Variants in MRTFA observed in about 807,000 individuals in gnomAD.
MRTFA encodes the protein myocardin related transcription factor A.
A neutral mutation model predicts 83.5 loss-of-function variants in MRTFA; 20 were observed. That is an observed-to-expected ratio of 0.24 (90% confidence interval 0.17 to 0.35). The LOEUF (loss-of-function observed/expected upper bound fraction) is 0.35, where lower values mean the gene tolerates loss of function less well. Ranked by LOEUF, MRTFA falls within the 10% of genes least tolerant of loss-of-function variation. MRTFA has a pLI of 1.00. For synonymous variants in MRTFA, 659 were observed against 541.2 expected (o/e 1.22, Z -3.02); for missense variants, 1,200 against 1,224.7 (o/e 0.98, Z 0.30).
intron 3 of MRTFA, among the ~76,000 whole-genome samples, chr22:40,542,259 C>G (rs899206157): frequency 6.6e-6 from 1 of 152,142 alleles, no homozygotes; most frequent in African/African-American, 2.4e-5. Context: ...TTTGTCAAAC[C>G]ACTACTTATG....
At position 40,496,540 on chromosome 22, in the gene MRTFA, A is replaced by C. The variant is rs375306364; in HGVS notation, c.242-33254T>G. ...AGAAAGGGCACCAGGCTGAGTCAGG[A>C]GTCCTGGTTTCCAGCAAGATCCATA... is the stretch of plus-strand genomic sequence containing the variant. On this transcript the variant is annotated intron_variant, in intron 3 of 14. Transcript: ENST00000355630. 6.7e-5 allele frequency among the ~76,000 whole-genome samples: 10 copies of C among 149,064 alleles called. No homozygotes were observed. In the East Asian group the frequency reaches 1.0e-3, roughly 15 times the overall value.
intron 3 of MRTFA, chr22:40,463,544 T>C (rs2053754286): frequency 7.9e-6 from 3 of 381,316 alleles, no homozygotes; most frequent in Non-Finnish European, 4.8e-6. Flanking sequence ...GAGTCTTGCC[T>C]TTTGCTCAAA....
chr22:40,430,831 A>T (rs950399603), intron 6 of MRTFA, among the ~76,000 whole-genome samples: 2 of 144,220 alleles, frequency 1.4e-5, no homozygotes, highest in African/African-American at 5.1e-5. Flanking sequence ...ACTGCACTCC[A>T]GCCTGAGCAG....
At chr22:40,624,374 C>T (rs1371169937) in intron 1 of MRTFA, among the ~76,000 whole-genome samples, 1 of 145,088 alleles carries the variant, frequency 6.9e-6, no homozygotes, top group Non-Finnish European at 1.5e-5. Context: ...TGCAGGGAGC[C>T]GAGATCGCGC....
intron 3 of MRTFA, among the ~76,000 whole-genome samples, chr22:40,506,768 T>C (rs2054586970): frequency 6.6e-6 from 1 of 152,220 alleles, no homozygotes; most frequent in African/African-American, 2.4e-5. Flanking sequence ...CCCCCATTTA[T>C]CACCATTTTC....
chr22:40,429,093 T>C (rs971658166), intron 7 of MRTFA, among the ~76,000 whole-genome samples: 3 of 152,198 alleles, frequency 2.0e-5, no homozygotes, highest in African/African-American at 7.2e-5. Context: ...TACCTGCTCC[T>C]AGGCGTGAGC....
At chr22:40,511,355 A>T (rs969691165) in intron 3 of MRTFA, among the ~76,000 whole-genome samples, 1 of 152,236 alleles carries the variant, frequency 6.6e-6, no homozygotes, top group Admixed American at 6.5e-5. Context: ...GCAGGTTGGG[A>T]GTAGTCACTG....
At position 40,474,813 on chromosome 22, in the gene MRTFA, A is replaced by G. The variant is rs562685345; in HGVS notation, c.242-11527T>C. ...TCTTAACTGATTTGATTGTTCCCAT[A>G]ATTCAATTCATGTATTCAAATGGCT... On this transcript the variant is annotated intron_variant, in intron 3 of 14. Transcript: ENST00000355630. Among the ~76,000 whole-genome samples, 36 of 152,316 alleles carry G rather than the reference A, an allele frequency of 2.4e-4. 1 individual carries two copies. In the South Asian group the frequency reaches 5.0e-3, roughly 21 times the overall value.
intron 1 of MRTFA, among the ~76,000 whole-genome samples, chr22:40,608,199 G>A (rs1325342677): frequency 5.9e-5 from 9 of 152,006 alleles, no homozygotes; most frequent in South Asian, 2.1e-4. Flanking sequence ...TAGTAGGGAC[G>A]GGACGGTGTT....
chr22:40,467,739 G>C (rs2053833388), intron 3 of MRTFA, among the ~76,000 whole-genome samples: 1 of 151,870 alleles, frequency 6.6e-6, no homozygotes, highest in Non-Finnish European at 1.5e-5. Flanking sequence ...CTATGTCATT[G>C]TATATCACTA....
chr22:40,601,292 G>A (rs1328211656), intron 1 of MRTFA, among the ~76,000 whole-genome samples: 1 of 152,056 alleles, frequency 6.6e-6, no homozygotes, highest in African/African-American at 2.4e-5. Context: ...ATAGCTCAAT[G>A]CAACCTCAAA....
intron 3 of MRTFA, among the ~76,000 whole-genome samples, chr22:40,485,481 C>A (rs2054160890): frequency 6.6e-6 from 1 of 151,910 alleles, no homozygotes; most frequent in Admixed American, 6.6e-5. Flanking sequence ...GGGAGGAGAG[C>A]CTGAGTATCA....
chr22:40,458,899 G>A (rs777961481), intron 4 of MRTFA, among the ~76,000 whole-genome samples: 18 of 152,060 alleles, frequency 1.2e-4, no homozygotes, highest in South Asian at 1.0e-3. Context: ...CCAACATGGC[G>A]AAACTCCATC....
intron 3 of MRTFA, among the ~76,000 whole-genome samples, chr22:40,479,155 AG>A (rs1569288328): frequency 1.3e-5 from 2 of 152,198 alleles, no homozygotes; most frequent in Non-Finnish European, 2.9e-5. Flanking sequence ...GAATGCCAGC[AG>A]GAAAGAACTA....
intron 1 of MRTFA, among the ~76,000 whole-genome samples, chr22:40,610,043 C>CTTT (rs966206904): frequency 1.6e-4 from 20 of 124,596 alleles, no homozygotes; most frequent in Non-Finnish European, 2.1e-4. Flanking sequence ...TTTTTTTTCT[C>CTTT]TTTTTTTTTT....
intron 2 of MRTFA, among the ~76,000 whole-genome samples, chr22:40,590,394 C>T (rs963175056): frequency 1.3e-5 from 2 of 151,928 alleles, no homozygotes; most frequent in African/African-American, 2.4e-5. Flanking sequence ...TGTAGCCGGG[C>T]GCGGTGGCTC....
At chr22:40,579,689 G>A (rs1406738192) in intron 2 of MRTFA, among the ~76,000 whole-genome samples, 3 of 152,028 alleles carry the variant, frequency 2.0e-5, no homozygotes, top group East Asian at 3.9e-4. Flanking sequence ...GTGAAACCCC[G>A]TCTCTACTAA....
chr22:40,411,749 G>C lies in MRTFA; in HGVS notation c.2737C>G (p.Arg913Gly), dbSNP rs575546439. The C allele has an allele frequency of 2.8e-5, 44 of 1,546,546 alleles. No homozygotes were observed. The South Asian group carries it at 5.2e-4, about 18-fold the overall frequency. Residue 913 changes from arginine (R) to glycine (G), a missense_variant, in exon 15 of 15, where the codon CGC becomes GGC. Around this residue, in one of 2 missense-constraint regions of MRTFA, gnomAD observed 1,107 missense variants for 1,041.8 expected, o/e 1.06. Coordinates refer to ENST00000355630, the MANE Select transcript of MRTFA (RefSeq NM_020831.6). Reference sequence around the variant, plus strand: ...CTGCTCTCCAGGAAGTCCTCCAGGCGTCCAGGGAGGGAGGGTGAGCCTGGA... The same window carrying C: ...CTGCTCTCCAGGAAGTCCTCCAGGCCTCCAGGGAGGGAGGGTGAGCCTGGA...
Position 40,417,509 on chromosome 22 carries a change from G to C in MRTFA, c.2365-16C>G. The C allele has an allele frequency of 6.8e-7, 1 of 1,474,908 alleles. No homozygotes were observed. 91.4% of individuals were successfully genotyped at this position (1,474,908 alleles called of 1,614,324 possible). A position where few individuals can be genotyped will look rare whatever the true frequency, so the allele number is the denominator to read the frequency against. On this transcript the variant is annotated splice_polypyrimidine_tract_variant and intron_variant, in intron 12 of 14. Coordinates refer to ENST00000355630, the MANE Select transcript of MRTFA (RefSeq NM_020831.6). Reference sequence around the variant, plus strand: ...GGGACGAGGGCTGGACAGGAGAGCAGGGAGAGGACCAGTGGCCAGGGGGCT... The same window carrying C: ...GGGACGAGGGCTGGACAGGAGAGCACGGAGAGGACCAGTGGCCAGGGGGCT...
Sources: allele counts gnomAD v4.1 joint callset (sites outside exome capture counted in the v4.1 genomes callset), GRCh38; gene constraint gnomAD v4.1.1; regional missense constraint gnomAD v4.1.1; transcripts MANE v1.5; gene names NCBI Gene and HGNC (gene_info 2026-07-23, HGNC 2026-07-21).